PXT1: variants seen among roughly 807,000 people sequenced by gnomAD.
The protein encoded by PXT1 is peroxisomal testis enriched protein 1, also known as peroxisomal testis-specific protein 1.
In PXT1, 11 loss-of-function variants were observed where a neutral mutation model predicts 11.0. The observed-to-expected ratio is 1.00, with a 90% confidence interval of 0.63 to 1.66. The LOEUF is 1.66. Ranked by LOEUF, PXT1 falls within the 40% of genes most tolerant of loss-of-function variation. The probability of loss-of-function intolerance (pLI) is 0.00; values close to 1 mark genes in which losing one functional copy is unlikely to be tolerated. For synonymous variants in PXT1, 43 were observed against 51.4 expected, an observed-to-expected ratio of 0.84 and a Z score of 0.70; for missense variants, 141 against 155.5, an observed-to-expected ratio of 0.91 and a Z score of 0.49.
chr6:36,391,101 G>A lies in PXT1; in HGVS notation c.*669C>T, dbSNP rs954762885. On this transcript the variant is annotated 3_prime_UTR_variant, in exon 5 of 5. Coordinates refer to ENST00000454782, the MANE Select transcript of PXT1 (RefSeq NM_152990.4). ...TCAAAGGTGAGAAAAGAACGTAAATGTTGTAGAATCAGAGCCTGAGAAGGA... is the reference window on the plus strand; with the variant it reads ...TCAAAGGTGAGAAAAGAACGTAAATATTGTAGAATCAGAGCCTGAGAAGGA... 1.3e-5 allele frequency: 2 copies of A among 152,552 alleles called. No individual in the cohort carries two copies. The highest frequency in any genetic ancestry group is 2.9e-5 in the Non-Finnish European group (2 of 68,310). 9.4% of individuals were successfully genotyped at this position (152,552 alleles called of 1,614,324 possible).
intron 3 of PXT1, among the ~76,000 whole-genome samples, chr6:36,407,832 C>A (rs1471775523): frequency 1.3e-5 from 2 of 152,204 alleles, no homozygotes; most frequent in Non-Finnish European, 2.9e-5. Flanking sequence ...CCTACATTTT[C>A]CCACCACAAC....
intron 2 of PXT1, among the ~76,000 whole-genome samples, 198 bp from the exon 3 acceptor site, chr6:36,426,289 A>ATCC (rs2127416633): frequency 6.7e-6 from 1 of 148,178 alleles, no homozygotes; most frequent in African/African-American, 2.5e-5. Flanking sequence ...AGGCTGCCGC[A>ATCC]TCCTTATCAC....
intron 3 of PXT1, among the ~76,000 whole-genome samples, chr6:36,417,570 C>T (rs1774466546): frequency 8.9e-6 from 1 of 112,478 alleles, no homozygotes; most frequent in South Asian, 2.8e-4. Flanking sequence ...GTCTGGGCAA[C>T]ATAGTGAGAC....
chr6:36,408,208 C>T (rs866163739), intron 3 of PXT1, among the ~76,000 whole-genome samples: 23 of 151,484 alleles, frequency 1.5e-4, no homozygotes, highest in Non-Finnish European at 2.5e-4. Context: ...GTGTTCCACC[C>T]GCCTCAGGCT....
chr6:36,411,135 T>C (rs984549137), intron 3 of PXT1, among the ~76,000 whole-genome samples: 2 of 152,168 alleles, frequency 1.3e-5, no homozygotes, highest in African/African-American at 2.4e-5. Context: ...CATCTTACAA[T>C]TGATGGAATA....
intron 4 of PXT1, among the ~76,000 whole-genome samples, chr6:36,395,464 G>A (rs1774129904): frequency 6.9e-6 from 1 of 145,772 alleles, no homozygotes; most frequent in South Asian, 2.2e-4. Flanking sequence ...AAGCAGCAAA[G>A]CCTTCAGCAT....
intron 3 of PXT1, among the ~76,000 whole-genome samples, chr6:36,421,174 C>CA (rs968609299): frequency 5.2e-4 from 78 of 150,156 alleles, no homozygotes; most frequent in Admixed American, 8.0e-4. Context: ...ACAACAACGA[C>CA]AAAAAAAAAC....
At position 36,425,951 on chromosome 6, in the gene PXT1, G is replaced by A; in HGVS notation, c.132C>T (p.Val44=). 1 of 1,535,794 alleles carries A rather than the reference G, an allele frequency of 6.5e-7. No homozygotes were observed. Among genetic ancestry groups the A allele is most frequent in the Non-Finnish European group, 8.7e-7 (1 of 1,146,460 alleles). The change falls in exon 3 of 5, where the codon GTC becomes GTT. Residue 44 remains valine, a synonymous_variant. Coordinates refer to ENST00000454782, the MANE Select transcript of PXT1 (RefSeq NM_152990.4). ...ACATGGCTGGAACTGGCTGGGAGCT[G>A]ACAAGTTGGGTCATGTATGCCTTCT... The part of the protein sequence containing the change: ...SFQKAYMTQL[V]SSQPVPAMSR...
chr6:36,429,021 C>T (rs577434086), intron 2 of PXT1, among the ~76,000 whole-genome samples: 1 of 151,840 alleles, frequency 6.6e-6, no homozygotes, highest in Non-Finnish European at 1.5e-5. Flanking sequence ...AATCCCAGTA[C>T]TTTGGGAGGC....
rs1274397382 is a variant in PXT1 at position 36,391,525 on chromosome 6, G to A, written c.*245C>T. On this transcript the variant is annotated 3_prime_UTR_variant, in exon 5 of 5. Transcript: ENST00000454782. The stretch of plus-strand genomic sequence containing the variant: ...TGTTTTCTGGGCAGCAAGGCTTCCT[G>A]GGGTCCTAATTACTCCTTGGGCTTT... The A allele has an allele frequency of 2.1e-6, 1 of 486,064 alleles. No homozygotes were observed. The highest frequency in any genetic ancestry group is 3.6e-6 in the Non-Finnish European group (1 of 274,156). The allele number at this position is 486,064 out of a possible 1,614,324, so 30.1% of individuals were successfully genotyped here.
intron 3 of PXT1, among the ~76,000 whole-genome samples, chr6:36,404,461 A>G (rs531542309): frequency 1.0e-3 from 158 of 152,278 alleles, no homozygotes; most frequent in Non-Finnish European, 2.2e-4. Context: ...AGCTGGGACC[A>G]CAGGTGCATG....
intron 4 of PXT1, among the ~76,000 whole-genome samples, chr6:36,392,712 T>C (rs1774086564): frequency 6.6e-6 from 1 of 151,896 alleles, no homozygotes; most frequent in South Asian, 2.1e-4. Flanking sequence ...GGCAAAGAGG[T>C]GAGGTGAATA....
At chr6:36,424,943 C>T (rs1774582582) in intron 3 of PXT1, among the ~76,000 whole-genome samples, 1 of 152,114 alleles carries the variant, frequency 6.6e-6, no homozygotes, top group South Asian at 2.1e-4. Flanking sequence ...GGTGTGGTGG[C>T]AAGCAACTAT....
At chr6:36,410,239 T>C (rs533972744) in intron 3 of PXT1, among the ~76,000 whole-genome samples, 7 of 151,106 alleles carry the variant, frequency 4.6e-5, no homozygotes, top group East Asian at 2.0e-4. Flanking sequence ...TCACCTGACA[T>C]TGGGAGTTCG....
intron 4 of PXT1, among the ~76,000 whole-genome samples, chr6:36,393,643 T>C (rs891391258): frequency 1.1e-4 from 17 of 151,886 alleles, no homozygotes; most frequent in African/African-American, 4.1e-4. Flanking sequence ...GCATGATAAT[T>C]GCTTGCACCT....
intron 3 of PXT1, among the ~76,000 whole-genome samples, chr6:36,409,965 G>GA (rs57141279): frequency 0.84 from 122,744 of 146,750 alleles, 51,239 homozygotes; most frequent in East Asian, 0.92. Context: ...GGAAGAAAGA[G>GA]AAAAAAGAAA....
rs1214157155 is a variant in PXT1 at position 36,400,443 on chromosome 6, T to TA, written c.300+10_300+11insT. 13 of 1,612,710 alleles carry TA rather than the reference T, an allele frequency of 8.1e-6. No individual in the cohort carries two copies. The highest frequency in any genetic ancestry group is 1.0e-5 in the Non-Finnish European group (12 of 1,179,072). The stretch of plus-strand genomic sequence containing the variant: ...CCTGACAGGCCCTGGCTGGGGAAAC[T>TA]GAAGCCTCACCTCTCGAACCATCCT... On this transcript the variant is annotated intron_variant, in intron 4 of 4. Coordinates refer to ENST00000454782, the MANE Select transcript of PXT1 (RefSeq NM_152990.4).
chr6:36,416,903 G>C (rs1774456947), intron 3 of PXT1, among the ~76,000 whole-genome samples: 1 of 152,178 alleles, frequency 6.6e-6, no homozygotes, highest in Non-Finnish European at 1.5e-5. Context: ...CAAATAGAAG[G>C]CTCCAGAAGA....
chr6:36,396,624 G>A (rs1341820602), intron 4 of PXT1, among the ~76,000 whole-genome samples: 1 of 152,230 alleles, frequency 6.6e-6, no homozygotes, highest in Non-Finnish European at 1.5e-5. Flanking sequence ...TGCCAGTCCT[G>A]TGGACCAGAG....
Sources: gnomAD v4.1 joint callset for allele counts (sites outside exome capture counted in the v4.1 genomes callset) on GRCh38, gnomAD v4.1.1 for gene constraint, MANE v1.5 for transcripts, NCBI Gene and HGNC (gene_info 2026-07-23, HGNC 2026-07-21) for gene names.